Variants in CDH18 observed in about 807,000 individuals in gnomAD.
CDH18 encodes cadherin-18.
In CDH18, 31 loss-of-function variants were observed where a neutral mutation model predicts 67.9. That is an observed-to-expected ratio of 0.46 (90% CI 0.34 to 0.62). The LOEUF (loss-of-function observed/expected upper bound fraction) is 0.62. CDH18 is among the 20% of genes least tolerant of loss of function. The pLI is 0.01. For missense variants in CDH18, 890 were observed against 975.5 expected, an observed-to-expected ratio of 0.91 and a Z score of 1.17; for synonymous variants, 362 against 347.2, an observed-to-expected ratio of 1.04 and a Z score of -0.48.
intron 1 of CDH18, among the ~76,000 whole-genome samples, chr5:20,352,806 TA>T (rs201234186): frequency 0.025 from 3,631 of 148,050 alleles, 108 homozygotes; most frequent in East Asian, 0.078. Context: ...AAAATAAAAA[TA>T]AAAAAAAAAT....
chr5:19,966,446 C>A (rs1797447104), intron 2 of CDH18, among the ~76,000 whole-genome samples: 1 of 152,004 alleles, frequency 6.6e-6, no homozygotes, highest in Non-Finnish European at 1.5e-5. Context: ...ATCAGCTATC[C>A]ACATAATTGT....
At chr5:20,160,470 G>A (rs760605405) in intron 2 of CDH18, among the ~76,000 whole-genome samples, 30 of 152,126 alleles carry the variant, frequency 2.0e-4, no homozygotes, top group African/African-American at 6.5e-4. Flanking sequence ...GTAAGATTAC[G>A]TCTTGCTTTA....
chr5:19,587,276 T>C (rs1744315402), intron 7 of CDH18, among the ~76,000 whole-genome samples: 1 of 152,120 alleles, frequency 6.6e-6, no homozygotes, highest in Admixed American at 6.6e-5. Context: ...AACCTGCAAT[T>C]ACTTTTGCAT....
At chr5:19,561,752 T>C (rs1038144671) in intron 8 of CDH18, among the ~76,000 whole-genome samples, 3 of 152,146 alleles carry the variant, frequency 2.0e-5, no homozygotes, top group African/African-American at 7.2e-5. Context: ...TTATATCAGA[T>C]AATATCTTTA....
At chr5:20,001,129 AT>A (rs1363277529) in intron 2 of CDH18, among the ~76,000 whole-genome samples, 1 of 152,158 alleles carries the variant, frequency 6.6e-6, no homozygotes, top group Non-Finnish European at 1.5e-5. Flanking sequence ...AAGTCTCATA[AT>A]TTCTTTTTAT....
intron 1 of CDH18, among the ~76,000 whole-genome samples, chr5:20,313,902 C>T (rs983293928): frequency 6.6e-6 from 1 of 151,942 alleles, no homozygotes; most frequent in Admixed American, 6.6e-5. Flanking sequence ...TCAAAGAAGG[C>T]GACCAACATG....
chr5:20,446,627 C>T (rs531465174), intron 1 of CDH18, among the ~76,000 whole-genome samples: 1 of 152,198 alleles, frequency 6.6e-6, no homozygotes, highest in Non-Finnish European at 1.5e-5. Context: ...AACTAAATAG[C>T]AGACTCCCGT....
intron 2 of CDH18, among the ~76,000 whole-genome samples, chr5:20,216,964 G>GA (rs1252371072): frequency 6.6e-6 from 1 of 151,678 alleles, no homozygotes; most frequent in Non-Finnish European, 1.5e-5. Context: ...TTATTAGCCA[G>GA]AAAAAAGTGG....
At chr5:20,499,828 A>T (rs573775072) in intron 1 of CDH18, among the ~76,000 whole-genome samples, 1 of 152,298 alleles carries the variant, frequency 6.6e-6, no homozygotes, top group African/African-American at 2.4e-5. Flanking sequence ...GACAGGACAA[A>T]TAATTTAAAT....
At chr5:19,652,185 G>A (rs2150272421) in intron 5 of CDH18, among the ~76,000 whole-genome samples, 1 of 151,840 alleles carries the variant, frequency 6.6e-6, no homozygotes, top group South Asian at 2.1e-4. Context: ...ATTAAAATGT[G>A]ATATTCTTTA....
At chr5:19,712,432 A>G (rs1169069820) in intron 5 of CDH18, among the ~76,000 whole-genome samples, 6 of 152,028 alleles carry the variant, frequency 3.9e-5, no homozygotes, top group African/African-American at 9.7e-5. Flanking sequence ...GAAATGCCAT[A>G]TGAACAAAAG....
At chr5:20,482,377 C>T (rs1752875054) in intron 1 of CDH18, among the ~76,000 whole-genome samples, 1 of 152,014 alleles carries the variant, frequency 6.6e-6, no homozygotes, top group Admixed American at 6.6e-5. Context: ...AATACCAATC[C>T]TACTCAAACT....
intron 2 of CDH18, among the ~76,000 whole-genome samples, chr5:19,964,335 T>G (rs144850283): frequency 6.6e-6 from 1 of 151,458 alleles, no homozygotes; most frequent in Non-Finnish European, 1.5e-5. Flanking sequence ...AATCCCAGCA[T>G]TTTGGAAGGC....
At chr5:20,429,896 A>C (rs531487632) in intron 1 of CDH18, among the ~76,000 whole-genome samples, 1 of 152,206 alleles carries the variant, frequency 6.6e-6, no homozygotes, top group African/African-American at 2.4e-5. Flanking sequence ...TCAGCAAAGT[A>C]ATTTAATAAC....
rs570721629 is a variant in CDH18, at chr5:19,914,469, A to G, written c.-257+66591T>C. Among the ~76,000 whole-genome samples the G allele has an allele frequency of 1.6e-3, 251 of 152,254 alleles. 1 individual carries two copies. The highest frequency in any genetic ancestry group is 5.8e-3 in the African/African-American group (240 of 41,564). On this transcript the variant is annotated intron_variant, in intron 2 of 12. Transcript: ENST00000382275. The stretch of plus-strand genomic sequence containing the variant: ...TGGACTTATCTATCTATATACACAC[A>G]TAAGTGTGTGGATATATAAATGCAT...
intron 11 of CDH18, among the ~76,000 whole-genome samples, chr5:19,495,732 AAAAAAAAAAAG>A (rs1297958221): frequency 2.7e-5 from 4 of 148,710 alleles, no homozygotes; most frequent in African/African-American, 4.9e-5. Context: ...AAAAAAAAAA[AAAAAAAAAAAG>A]AAAGAAAGAA....
chr5:19,565,382 G>T (rs1341150994), intron 8 of CDH18, among the ~76,000 whole-genome samples: 1 of 152,190 alleles, frequency 6.6e-6, no homozygotes, highest in African/African-American at 2.4e-5. Context: ...GAATGTAAGG[G>T]AAGAGAACAA....
intron 1 of CDH18, among the ~76,000 whole-genome samples, chr5:20,553,230 A>G (rs964768787): frequency 6.6e-6 from 1 of 152,148 alleles, no homozygotes; most frequent in Admixed American, 6.5e-5. Context: ...TATTCCTCAA[A>G]GTTAATCTGG....
chr5:20,292,248 G>A (rs977371024), intron 1 of CDH18, among the ~76,000 whole-genome samples: 2 of 152,188 alleles, frequency 1.3e-5, no homozygotes, highest in African/African-American at 2.4e-5. Context: ...GGTAAATTGA[G>A]AGACAGTAAG....
Sources: gnomAD v4.1 joint callset for allele counts (sites outside exome capture counted in the v4.1 genomes callset) on GRCh38, gnomAD v4.1.1 for gene constraint, MANE v1.5 for transcripts, NCBI Gene and HGNC (gene_info 2026-07-23, HGNC 2026-07-21) for gene names.